GASK1A: variants seen among roughly 807,000 people sequenced by gnomAD.
The protein encoded by GASK1A is Golgi-associated kinase 1A.
A neutral mutation model predicts 41.2 loss-of-function variants in GASK1A; 40 were observed. The ratio of observed to expected loss-of-function variants is 0.97; its 90% CI spans 0.75 to 1.27. GASK1A has a LOEUF of 1.27. GASK1A is among the 50% of genes most tolerant of loss of function. The probability of loss-of-function intolerance (pLI) is 0.00; values close to 1 mark genes in which losing one functional copy is unlikely to be tolerated. For synonymous variants in GASK1A, 316 were observed against 307.1 expected, an observed-to-expected ratio of 1.03 and a Z score of -0.30; for missense variants, 678 against 745.1, an observed-to-expected ratio of 0.91 and a Z score of 1.05.
In GASK1A at chr3:43,032,516, A is replaced by G. The variant is rs1263095740; in HGVS notation, c.253A>G (p.Arg85Gly). ...CTTCTGGAGAAGCCGTGCTTTGCCCAGGAACTCCATCTTGGTCTGTGCTGA... is the reference window on the plus strand; with the variant it reads ...CTTCTGGAGAAGCCGTGCTTTGCCCGGGAACTCCATCTTGGTCTGTGCTGA... ...MGFWRSRALP[R>G]NSILVCAEEQ... The change falls in exon 2 of 5, where the codon AGG (arginine) becomes GGG (glycine). Residue 85 changes from arginine (R) to glycine (G), a missense_variant. Transcript: ENST00000430121. 3 of 1,549,714 alleles carry G rather than the reference A, an allele frequency of 1.9e-6. No homozygotes were observed. Among genetic ancestry groups the G allele is most frequent in the Non-Finnish European group, 2.6e-6 (3 of 1,145,332 alleles).
intron 1 of GASK1A, among the ~76,000 whole-genome samples, chr3:42,986,705 G>A (rs1488861806): frequency 6.6e-6 from 1 of 152,172 alleles, no homozygotes; most frequent in Non-Finnish European, 1.5e-5. Context: ...GGCAGAGGGG[G>A]CAATGGAAGG....
At chr3:42,989,155 G>A (rs1275768609) in intron 1 of GASK1A, among the ~76,000 whole-genome samples, 1 of 152,140 alleles carries the variant, frequency 6.6e-6, no homozygotes, top group Non-Finnish European at 1.5e-5. Context: ...TGCAGCCCAG[G>A]GATAATGTGA....
Position 43,057,598 on chromosome 3 carries a change from T to C in GASK1A, c.*1212T>C, listed in dbSNP as rs2089722461. The stretch of plus-strand genomic sequence containing the variant: ...TTTGTATTTTCTTTTCTGCATTGTC[T>C]TTTTGTTTTAAGATGTTTGCCCTTT... On this transcript the variant is annotated 3_prime_UTR_variant, in exon 5 of 5. Transcript: ENST00000430121. The C allele has an allele frequency of 6.6e-6, 1 of 152,228 alleles. No homozygotes were observed. The highest frequency in any genetic ancestry group is 2.1e-4 in the South Asian group (1 of 4,826). The allele number at this position is 152,228 out of a possible 1,614,324, so 9.4% of individuals were successfully genotyped here. A position where few individuals can be genotyped will look rare whatever the true frequency, so the allele number is the denominator to read the frequency against.
chr3:42,991,297 C>T (rs1384375209), intron 1 of GASK1A, among the ~76,000 whole-genome samples: 6 of 152,138 alleles, frequency 3.9e-5, no homozygotes, highest in Non-Finnish European at 7.3e-5. Context: ...TGAGGCACTG[C>T]GCCTGGCCAA....
intron 1 of GASK1A, among the ~76,000 whole-genome samples, chr3:42,983,833 C>T (rs2089293714): frequency 6.6e-6 from 1 of 152,194 alleles, no homozygotes; most frequent in Non-Finnish European, 1.5e-5. Flanking sequence ...TTTAAAGAAT[C>T]TACTGGCCCC....
intron 1 of GASK1A, among the ~76,000 whole-genome samples, chr3:43,023,122 G>T (rs970403851): frequency 1.2e-4 from 19 of 152,174 alleles, no homozygotes; most frequent in Admixed American, 5.9e-4. Flanking sequence ...ACTTACTGTG[G>T]ATTACCCAGG....
In GASK1A at chr3:43,056,246, A is replaced by T. The variant is rs928039486; in HGVS notation, c.1588A>T (p.Met530Leu). ...LQNMLLKSLQ[M>L]DPVFWESQGG... Reference sequence around the variant, plus strand: ...GAACATGCTGCTGAAGTCGCTGCAGATGGACCCAGTGTTCTGGGAAAGCCA... The same window carrying T: ...GAACATGCTGCTGAAGTCGCTGCAGTTGGACCCAGTGTTCTGGGAAAGCCA... The change falls in exon 5 of 5, where the codon ATG (methionine) becomes TTG (leucine). Residue 530 changes from methionine to leucine, a missense_variant. Physicochemically the swap from Met to Leu is conservative, Grantham distance 15. Transcript: ENST00000430121. The T allele has an allele frequency of 6.4e-7, 1 of 1,551,596 alleles. No individual in the cohort carries two copies. Among genetic ancestry groups the T allele is most frequent in the African/African-American group, 1.4e-5 (1 of 73,052 alleles).
At chr3:43,018,331 G>C (rs923165657) in intron 1 of GASK1A, among the ~76,000 whole-genome samples, 1 of 152,138 alleles carries the variant, frequency 6.6e-6, no homozygotes, top group Non-Finnish European at 1.5e-5. Flanking sequence ...CCTGGCGCAT[G>C]GCATGTGCTC....
At chr3:43,031,596 A>G (rs112620237) in intron 1 of GASK1A, among the ~76,000 whole-genome samples, 223 of 152,360 alleles carry the variant, frequency 1.5e-3, no homozygotes, top group African/African-American at 4.7e-3. Context: ...TTGAGAAATC[A>G]CTGCCCCTAG....
chr3:43,027,314 A>T (rs9848904), intron 1 of GASK1A, among the ~76,000 whole-genome samples: 56,533 of 152,126 alleles, frequency 0.37, 11,036 homozygotes, highest in Non-Finnish European at 0.44. Context: ...GGTATTAGAG[A>T]GATGGAATCG....
chr3:43,030,906 AT>A lies in GASK1A; in HGVS notation c.4-1360del, dbSNP rs2089571945. ...GACTTCACCTACATGTCCACTGCAG[AT>A]CCCGGATAATCCCCTTTTGACACCC... is the stretch of plus-strand genomic sequence containing the variant. On this transcript the variant is annotated intron_variant, in intron 1 of 4. Transcript: ENST00000430121. Among the ~76,000 whole-genome samples, 6 of 152,324 alleles carry A rather than the reference AT, an allele frequency of 3.9e-5. No individual in the cohort carries two copies. The South Asian group carries it at 1.2e-3, about 32-fold the overall frequency.
intron 1 of GASK1A, among the ~76,000 whole-genome samples, chr3:42,993,684 C>G (rs886974777): frequency 6.6e-6 from 1 of 152,072 alleles, no homozygotes; most frequent in Non-Finnish European, 1.5e-5. Flanking sequence ...ACAGAAGCCC[C>G]CTTTGCCTAA....
intron 2 of GASK1A, among the ~76,000 whole-genome samples, chr3:43,048,246 A>G (rs989743454): frequency 3.9e-5 from 6 of 152,206 alleles, no homozygotes; most frequent in Non-Finnish European, 8.8e-5. Context: ...CAGTCTTAGC[A>G]TCTGGAATCA....
At chr3:42,981,144 G>A (rs759559663) in intron 1 of GASK1A, among the ~76,000 whole-genome samples, 4 of 152,116 alleles carry the variant, frequency 2.6e-5, no homozygotes, top group Non-Finnish European at 5.9e-5. Context: ...CCGGTTTCAC[G>A]TCCCTGGCTC....
At chr3:43,044,684 A>G (rs549353104) in intron 2 of GASK1A, among the ~76,000 whole-genome samples, 2 of 152,240 alleles carry the variant, frequency 1.3e-5, no homozygotes, top group Non-Finnish European at 2.9e-5. Flanking sequence ...AATGCAGCCA[A>G]ATTCACTCCT....
chr3:43,056,001 A>C, intron 4 of GASK1A, 175 bp from the exon 5 acceptor site: 2 of 599,290 alleles, frequency 3.3e-6, no homozygotes, highest in Non-Finnish European at 3.0e-6. Flanking sequence ...AAGCCAGGCA[A>C]AGGGTCCTCT....
intron 1 of GASK1A, among the ~76,000 whole-genome samples, chr3:42,988,642 CA>C (rs1446942580): frequency 6.6e-6 from 1 of 152,234 alleles, no homozygotes; most frequent in African/African-American, 2.4e-5. Flanking sequence ...GTGCCCCTTT[CA>C]GCTTGTGAGC....
chr3:43,044,441 G>T (rs2089652380), intron 2 of GASK1A, among the ~76,000 whole-genome samples: 1 of 152,164 alleles, frequency 6.6e-6, no homozygotes. Flanking sequence ...CCCCTCCAGG[G>T]CCAGAGACTT....
At chr3:43,022,115 C>T (rs1203091559) in intron 1 of GASK1A, among the ~76,000 whole-genome samples, 1 of 152,228 alleles carries the variant, frequency 6.6e-6, no homozygotes, top group Non-Finnish European at 1.5e-5. Flanking sequence ...CAGTTTGGGT[C>T]TCACCAGCAA....
Sources: gnomAD v4.1 joint callset for allele counts (sites outside exome capture counted in the v4.1 genomes callset) on GRCh38, gnomAD v4.1.1 for gene constraint, MANE v1.5 for transcripts, NCBI Gene and HGNC (gene_info 2026-07-23, HGNC 2026-07-21) for gene names.